AK9: variants seen among roughly 807,000 people sequenced by gnomAD.
The protein encoded by AK9 is adenylate kinase domain containing 1.
In AK9, 191 loss-of-function variants were observed where a neutral mutation model predicts 239.6. The observed-to-expected ratio is 0.80, with a 90% CI of 0.71 to 0.90. The LOEUF (loss-of-function observed/expected upper bound fraction) is 0.90, where lower values mean the gene tolerates loss of function less well. AK9 is among the 40% of genes least tolerant of loss of function. The pLI, the probability that AK9 is intolerant of heterozygous loss-of-function variation, is 0.00. For missense variants in AK9, 1,995 were observed against 2,214.7 expected, an observed-to-expected ratio of 0.90 and a Z score of 1.99; for synonymous variants, 689 against 721.0, an observed-to-expected ratio of 0.96 and a Z score of 0.71.
chr6:109,613,211 T>C (rs916286834), intron 15 of AK9, among the ~76,000 whole-genome samples: 10 of 151,536 alleles, frequency 6.6e-5, no homozygotes, highest in African/African-American at 2.4e-4. Flanking sequence ...ATATGAAAAA[T>C]ACCTTTACTT....
At chr6:109,549,871 A>G in intron 25 of AK9, 2 of 385,272 alleles carry the variant, frequency 5.2e-6, no homozygotes, top group Non-Finnish European at 9.3e-6. Flanking sequence ...TCACCGTGTC[A>G]GCCAGGATGG....
rs1554230922 is a variant in AK9, at chr6:109,497,362, A to ACACTCTCTCTCT, written c.5315+102_5315+103insAGAGAGAGAGTG. The ACACTCTCTCTCT allele has an allele frequency of 9.4e-5, 47 of 500,302 alleles. 1 individual carries two copies. Among genetic ancestry groups the ACACTCTCTCTCT allele is most frequent in the Admixed American group, 1.7e-4 (5 of 28,882 alleles). 31.0% of individuals were successfully genotyped at this position (500,302 alleles called of 1,614,324 possible). A position where few individuals can be genotyped will look rare whatever the true frequency, so the allele number is the denominator to read the frequency against. ...CACACACACACACACACACACACAC[A>ACACTCTCTCTCT]CTCTCTCTCTCTCTCTCTCTCTCAC... On this transcript the variant is annotated intron_variant, in intron 38 of 40. Coordinates refer to ENST00000424296, the MANE Select transcript of AK9 (RefSeq NM_001145128.3).
chr6:109,675,559 ATATGGT>A, intron 2 of AK9, 64 bp downstream of exon 2: 1 of 1,032,540 alleles, frequency 9.7e-7, no homozygotes, highest in Non-Finnish European at 1.3e-6. Flanking sequence ...TTTTATTTTT[ATATGGT>A]AACTTAGAAA....
At chr6:109,622,133 G>A (rs1221851748) in intron 12 of AK9, among the ~76,000 whole-genome samples, 1 of 142,346 alleles carries the variant, frequency 7.0e-6, no homozygotes, top group Non-Finnish European at 1.5e-5. Flanking sequence ...TACACATATT[G>A]TATATATTTT....
chr6:109,541,073 T>C (rs1033690063), intron 27 of AK9, among the ~76,000 whole-genome samples: 3 of 152,218 alleles, frequency 2.0e-5, no homozygotes, highest in African/African-American at 7.2e-5. Context: ...AGTCCTGGCA[T>C]GTCCTCCTCT....
chr6:109,578,266 G>A (rs919678959), intron 20 of AK9, among the ~76,000 whole-genome samples: 10 of 150,038 alleles, frequency 6.7e-5, no homozygotes, highest in African/African-American at 2.5e-4. Context: ...CTGGGGTTTC[G>A]CCATGTTGGC....
intron 7 of AK9, among the ~76,000 whole-genome samples, chr6:109,658,704 T>C (rs1312142850): frequency 2.0e-5 from 3 of 152,170 alleles, no homozygotes; most frequent in Admixed American, 6.5e-5. Flanking sequence ...CTTTCACTTG[T>C]TTATGTTGAT....
chr6:109,675,295 G>A (rs1771544436), intron 2 of AK9, among the ~76,000 whole-genome samples: 1 of 152,162 alleles, frequency 6.6e-6, no homozygotes. Context: ...TTTAAATATA[G>A]TCTGGGTTCC....
At chr6:109,585,475 A>G (rs778486403) in intron 18 of AK9, among the ~76,000 whole-genome samples, 2 of 152,148 alleles carry the variant, frequency 1.3e-5, no homozygotes, top group Non-Finnish European at 2.9e-5. Context: ...GTAGTATATT[A>G]TATTTTTCCC....
intron 35 of AK9, among the ~76,000 whole-genome samples, chr6:109,503,907 G>T (rs1777848036): frequency 6.6e-6 from 1 of 152,156 alleles, no homozygotes; most frequent in Non-Finnish European, 1.5e-5. Flanking sequence ...CCACTTTGGG[G>T]ACATTTTGAA....
intron 29 of AK9, among the ~76,000 whole-genome samples, chr6:109,521,289 G>A (rs933797805): frequency 6.6e-6 from 1 of 152,060 alleles, no homozygotes; most frequent in African/African-American, 2.4e-5. Context: ...TCCTGCCAGT[G>A]ATGATGAGGA....
At chr6:109,569,354 C>A (rs1787059697) in intron 21 of AK9, among the ~76,000 whole-genome samples, 1 of 152,150 alleles carries the variant, frequency 6.6e-6, no homozygotes. Context: ...CAATACCATT[C>A]AGGACATAGA....
At chr6:109,544,596 C>A (rs1030162571) in intron 26 of AK9, among the ~76,000 whole-genome samples, 6 of 152,170 alleles carry the variant, frequency 3.9e-5, no homozygotes, top group African/African-American at 1.4e-4. Context: ...CTCCCTTCAC[C>A]TTCTGCCATG....
intron 21 of AK9, among the ~76,000 whole-genome samples, chr6:109,573,151 C>A (rs13214717): frequency 0.24 from 36,159 of 151,794 alleles, 4,755 homozygotes; most frequent in Middle Eastern, 0.31. Context: ...AAAGGAAAAA[C>A]CGTTATATTT....
intron 8 of AK9, among the ~76,000 whole-genome samples, chr6:109,655,630 C>T (rs1015359262): frequency 3.9e-5 from 6 of 152,126 alleles, no homozygotes; most frequent in Non-Finnish European, 5.9e-5. Context: ...AGACTTTGGG[C>T]GCTGCACTGC....
intron 8 of AK9, among the ~76,000 whole-genome samples, chr6:109,648,631 G>C (rs1798444295): frequency 6.6e-6 from 1 of 152,208 alleles, no homozygotes; most frequent in East Asian, 1.9e-4. Flanking sequence ...TCCAGGACCA[G>C]ATGGATTCAC....
intron 35 of AK9, among the ~76,000 whole-genome samples, chr6:109,499,749 C>T (rs894473702): frequency 1.3e-5 from 2 of 152,072 alleles, no homozygotes; most frequent in Non-Finnish European, 2.9e-5. Flanking sequence ...CAGATGTGTA[C>T]CATCACAGAC....
At position 109,564,798 on chromosome 6, in the gene AK9, C is replaced by A. The variant is rs114500582; in HGVS notation, c.2392G>T (p.Gly798Ter). ...ETTVETEIPK[G>*]SKEGLEIEKL... ...TCAATTTCCAGGCCCTCTTTGGATC[C>A]TTTTGGGATTTCTGTTTCCACTGTA... The change falls in exon 22 of 41, where the codon GGA becomes TGA. Residue 798 changes from glycine to a stop codon, truncating the protein, a stop_gained. Coordinates refer to ENST00000424296, the MANE Select transcript of AK9 (RefSeq NM_001145128.3). LOFTEE classifies it high-confidence loss of function. The A allele has an allele frequency of 3.2e-6, 5 of 1,546,502 alleles. No individual in the cohort carries two copies. The South Asian group carries it at 6.0e-5, about 19-fold the overall frequency.
chr6:109,506,099 A>G (rs2128104673), intron 35 of AK9, among the ~76,000 whole-genome samples: 1 of 152,246 alleles, frequency 6.6e-6, no homozygotes, highest in Middle Eastern at 3.4e-3. Context: ...ATACTATTAC[A>G]CTGGGGATTC....
Sources: allele counts gnomAD v4.1 joint callset (sites outside exome capture counted in the v4.1 genomes callset), GRCh38; gene constraint gnomAD v4.1.1; transcripts MANE v1.5; gene names NCBI Gene and HGNC (gene_info 2026-07-23, HGNC 2026-07-21).